The following CADM2 variants were observed in gnomAD, a reference collection of about 807,000 sequenced individuals.
The protein encoded by CADM2 is cell adhesion molecule 2.
A neutral mutation model predicts 49.8 loss-of-function variants in CADM2; 12 were observed. The ratio of observed to expected loss-of-function variants is 0.24; its 90% confidence interval spans 0.15 to 0.39. The LOEUF is 0.39. CADM2 is among the 10% of genes least tolerant of loss of function. CADM2 has a pLI of 1.00. For missense variants in CADM2, 378 were observed against 492.3 expected, an observed-to-expected ratio of 0.77 and a Z score of 2.20; for synonymous variants, 214 against 175.4, an observed-to-expected ratio of 1.22 and a Z score of -1.74.
chr3:85,723,491 T>A (rs1233454194), intron 1 of CADM2, among the ~76,000 whole-genome samples: 1 of 152,132 alleles, frequency 6.6e-6, no homozygotes, highest in Non-Finnish European at 1.5e-5. Context: ...TGGCTTCTTT[T>A]ATTGAATATG....
chr3:85,951,924 G>A (rs1723472277), intron 7 of CADM2, among the ~76,000 whole-genome samples: 1 of 150,966 alleles, frequency 6.6e-6, no homozygotes, highest in Non-Finnish European at 1.5e-5. Flanking sequence ...AAATCTGATT[G>A]ACTGGATCCT....
At chr3:85,791,632 A>G (rs1172035354) in intron 2 of CADM2, among the ~76,000 whole-genome samples, 1 of 152,036 alleles carries the variant, frequency 6.6e-6, no homozygotes, top group African/African-American at 2.4e-5. Context: ...TTGAGGGGAA[A>G]AACTTAAAGA....
chr3:85,257,868 A>G lies in CADM2; in HGVS notation c.61+298200A>G, dbSNP rs1389096192. 2.6e-5 allele frequency among the ~76,000 whole-genome samples: 4 copies of G among 152,288 alleles called. No homozygotes were observed. The East Asian group carries it at 5.8e-4, about 22-fold the overall frequency. ...TGACACAAACCAAAATTAAAATGAA[A>G]TGACAGACCGCTGATACTTTAGAAA... On this transcript the variant is annotated intron_variant, in intron 1 of 9. Transcript: ENST00000383699.
chr3:85,013,850 T>A (rs941772504), intron 1 of CADM2, among the ~76,000 whole-genome samples: 1 of 147,470 alleles, frequency 6.8e-6, no homozygotes, highest in Non-Finnish European at 1.5e-5. Context: ...AATATTGTAC[T>A]GAGGACAATA....
rs546259076 is a variant in CADM2, at chr3:85,132,059, T to C, written c.61+172391T>C. 8.5e-5 allele frequency among the ~76,000 whole-genome samples: 13 copies of C among 152,322 alleles called. No individual in the cohort carries two copies. The South Asian group carries it at 2.7e-3, about 32-fold the overall frequency. On this transcript the variant is annotated intron_variant, in intron 1 of 9. Coordinates refer to ENST00000383699, the MANE Select transcript of CADM2 (RefSeq NM_001167675.2). ...TTTGTTATGTCTTAAGAGATATTAT[T>C]TGTGGTGAGAATGTTTTCCTGAAAT...
At chr3:85,183,883 A>T (rs1166224687) in intron 1 of CADM2, among the ~76,000 whole-genome samples, 2 of 152,180 alleles carry the variant, frequency 1.3e-5, no homozygotes, top group East Asian at 3.8e-4. Flanking sequence ...TTTAATAAGC[A>T]TTAACTCAGT....
At chr3:85,124,928 T>G (rs2038977448) in intron 1 of CADM2, among the ~76,000 whole-genome samples, 1 of 152,196 alleles carries the variant, frequency 6.6e-6, no homozygotes, top group Admixed American at 6.5e-5. Context: ...TGAAAATTGT[T>G]AAGTTGAACC....
chr3:85,114,925 A>G (rs2038589558), intron 1 of CADM2, among the ~76,000 whole-genome samples: 1 of 152,168 alleles, frequency 6.6e-6, no homozygotes, highest in Non-Finnish European at 1.5e-5. Flanking sequence ...AAATGTTCAT[A>G]TAAAGAGTAT....
intron 2 of CADM2, among the ~76,000 whole-genome samples, chr3:85,790,006 A>G (rs1373968056): frequency 6.6e-6 from 1 of 152,234 alleles, no homozygotes; most frequent in African/African-American, 2.4e-5. Context: ...GCATCCTTTA[A>G]ATAAAGTTTC....
chr3:85,824,442 C>T (rs953308987), intron 3 of CADM2, among the ~76,000 whole-genome samples: 29 of 55,736 alleles, frequency 5.2e-4, no homozygotes, highest in East Asian at 1.0e-3. Flanking sequence ...AAGGTGAGTG[C>T]ACAGTGCACA....
intron 1 of CADM2, among the ~76,000 whole-genome samples, chr3:85,675,946 T>C (rs4634134): frequency 2.0e-5 from 3 of 152,238 alleles, no homozygotes; most frequent in Admixed American, 2.0e-4. Context: ...ATATTTTAAC[T>C]ACTACCAGGC....
At chr3:86,062,005 G>A (rs1683800792) in intron 8 of CADM2, among the ~76,000 whole-genome samples, 1 of 150,136 alleles carries the variant, frequency 6.7e-6, no homozygotes, top group Non-Finnish European at 1.5e-5. Flanking sequence ...GGTTGAATTT[G>A]TACAATTTTT....
At chr3:85,777,424 T>G (rs896642316) in intron 2 of CADM2, among the ~76,000 whole-genome samples, 4 of 151,922 alleles carry the variant, frequency 2.6e-5, no homozygotes, top group Non-Finnish European at 5.9e-5. Flanking sequence ...CCTGGCTAAT[T>G]TTTTTGTTTT....
At chr3:85,365,887 G>C (rs73845445) in intron 1 of CADM2, among the ~76,000 whole-genome samples, 1 of 152,040 alleles carries the variant, frequency 6.6e-6, no homozygotes, top group African/African-American at 2.4e-5. Context: ...TTTATATTAG[G>C]TTCACACCAC....
chr3:86,022,410 C>T (rs1559807051), intron 8 of CADM2, among the ~76,000 whole-genome samples: 3 of 152,044 alleles, frequency 2.0e-5, no homozygotes, highest in Admixed American at 2.0e-4. Flanking sequence ...CTATCTCTCT[C>T]CTTCTCTTTC....
In CADM2 at chr3:86,067,338, G is replaced by A. The variant is rs1739448999; in HGVS notation, c.*555G>A. The A allele has an allele frequency of 6.6e-6, 1 of 152,590 alleles. No individual in the cohort carries two copies. Among genetic ancestry groups the A allele is most frequent in the South Asian group, 2.1e-4 (1 of 4,834 alleles). 9.5% of individuals were successfully genotyped at this position (152,590 alleles called of 1,614,324 possible). ...TAAAATTAAAAAAAAACACTATAGT[G>A]TAGTTTTTGGAATGTTGGAGATTAT... On this transcript the variant is annotated 3_prime_UTR_variant, in exon 10 of 10. Coordinates refer to ENST00000383699, the MANE Select transcript of CADM2 (RefSeq NM_001167675.2).
At chr3:85,734,538 C>CAT (rs144007432) in intron 2 of CADM2, among the ~76,000 whole-genome samples, 32,380 of 149,098 alleles carry the variant, frequency 0.22, 4,114 homozygotes, top group Middle Eastern at 0.29. Flanking sequence ...CACACACATA[C>CAT]ATATATATAT....
intron 1 of CADM2, among the ~76,000 whole-genome samples, chr3:85,588,782 T>C (rs2063018228): frequency 6.6e-6 from 1 of 151,940 alleles, no homozygotes; most frequent in Non-Finnish European, 1.5e-5. Context: ...GGGCAGACAC[T>C]CTGGTAGGTG....
intron 1 of CADM2, among the ~76,000 whole-genome samples, chr3:85,072,230 C>T (rs1022394623): frequency 2.0e-5 from 3 of 151,838 alleles, no homozygotes; most frequent in Admixed American, 1.3e-4. Flanking sequence ...AAAAATTCCC[C>T]TGAAAGTGGA....
Sources: allele counts gnomAD v4.1 joint callset (sites outside exome capture counted in the v4.1 genomes callset), GRCh38; gene constraint gnomAD v4.1.1; transcripts MANE v1.5; gene names NCBI Gene and HGNC (gene_info 2026-07-23, HGNC 2026-07-21).